Variants in NKAIN3 observed in about 807,000 individuals in gnomAD.
NKAIN3 encodes the protein sodium/potassium-transporting ATPase subunit beta-1-interacting protein 3.
A neutral mutation model predicts 30.2 loss-of-function variants in NKAIN3; 25 were observed. That is an observed-to-expected ratio of 0.83 (90% CI 0.60 to 1.16). NKAIN3 has a LOEUF of 1.16. Ranked by LOEUF, NKAIN3 falls within the 50% of genes most tolerant of loss-of-function variation. The probability of loss-of-function intolerance (pLI) is 0.00; values close to 1 mark genes in which losing one functional copy is unlikely to be tolerated. For synonymous variants in NKAIN3, 91 were observed against 89.6 expected (o/e 1.02, Z -0.09); for missense variants, 225 against 254.1 (o/e 0.89, Z 0.78).
At chr8:62,802,020 T>C (rs183498295) in intron 4 of NKAIN3, among the ~76,000 whole-genome samples, 1 of 151,880 alleles carries the variant, frequency 6.6e-6, no homozygotes, top group African/African-American at 2.4e-5. Flanking sequence ...AGGGTATCAG[T>C]GATGGAAGAT....
intron 1 of NKAIN3, among the ~76,000 whole-genome samples, chr8:62,473,608 A>G (rs1048431848): frequency 6.6e-5 from 10 of 152,184 alleles, no homozygotes; most frequent in African/African-American, 1.2e-4. Context: ...CATCTTTGCC[A>G]GCAGAATGAA....
At chr8:62,348,370 C>T (rs1004137821) in intron 1 of NKAIN3, among the ~76,000 whole-genome samples, 1 of 152,010 alleles carries the variant, frequency 6.6e-6, no homozygotes, top group Non-Finnish European at 1.5e-5. Flanking sequence ...AATTTAAAAA[C>T]GTTAACAAAT....
chr8:62,571,414 C>T (rs943188223), intron 1 of NKAIN3, among the ~76,000 whole-genome samples: 2 of 152,096 alleles, frequency 1.3e-5, no homozygotes, highest in Admixed American at 1.3e-4. Context: ...CAGCCTCCCT[C>T]CCAGCTGCTT....
intron 1 of NKAIN3, among the ~76,000 whole-genome samples, chr8:62,467,369 GA>G (rs1244795726): frequency 1.3e-5 from 2 of 152,132 alleles, no homozygotes; most frequent in Admixed American, 1.3e-4. Context: ...ATCATGATCA[GA>G]AACCTTATGA....
At chr8:62,869,679 G>T (rs985377356) in intron 4 of NKAIN3, among the ~76,000 whole-genome samples, 1 of 152,174 alleles carries the variant, frequency 6.6e-6, no homozygotes, top group African/African-American at 2.4e-5. Context: ...AACCCCTTGC[G>T]GGGGGTAGGT....
At chr8:62,858,073 T>C (rs1337359917) in intron 4 of NKAIN3, among the ~76,000 whole-genome samples, 2 of 152,178 alleles carry the variant, frequency 1.3e-5, no homozygotes, top group Non-Finnish European at 2.9e-5. Flanking sequence ...TTTGTTGTTG[T>C]TGTTTTTCTT....
rs117340340 is a variant in NKAIN3, at chr8:62,536,286, A to G, written c.55-43253A>G. On this transcript the variant is annotated intron_variant, in intron 1 of 6. Coordinates refer to ENST00000623646, the MANE Select transcript of NKAIN3 (RefSeq NM_001304533.3). ...AGCAATGCGGGCAAGCTCCAAGATG[A>G]CAGATCTCTAGCTGAAGATGGATGA... Among the ~76,000 whole-genome samples the G allele has an allele frequency of 3.6e-3, 545 of 152,306 alleles. 1 individual carries two copies. The highest frequency in any genetic ancestry group is 5.6e-3 in the Non-Finnish European group (382 of 68,032).
Position 62,668,449 on chromosome 8 carries a change from G to T in NKAIN3, c.274-78483G>T, listed in dbSNP as rs114295650. ...ATTATTTTTTTGAATTTAGAACTTA[G>T]ATTTTAACTATGAAAGGAAAATTCA... On this transcript the variant is annotated intron_variant, in intron 3 of 6. Transcript: ENST00000623646. 4.8e-3 allele frequency among the ~76,000 whole-genome samples: 735 copies of T among 152,274 alleles called. 8 individuals carry two copies. The highest frequency in any genetic ancestry group is 0.017 in the African/African-American group (703 of 41,566).
chr8:62,336,995 T>C (rs1460250827), intron 1 of NKAIN3, among the ~76,000 whole-genome samples: 1 of 152,100 alleles, frequency 6.6e-6, no homozygotes, highest in Non-Finnish European at 1.5e-5. Context: ...ACACATTTCA[T>C]TTACTTTCAT....
At chr8:62,850,742 G>A (rs1402809394) in intron 4 of NKAIN3, among the ~76,000 whole-genome samples, 1 of 151,974 alleles carries the variant, frequency 6.6e-6, no homozygotes, top group East Asian at 1.9e-4. Flanking sequence ...TTTTTCTCAG[G>A]TTTGTCAAAG....
chr8:62,812,406 G>A (rs1321093484), intron 4 of NKAIN3, among the ~76,000 whole-genome samples: 1 of 151,838 alleles, frequency 6.6e-6, no homozygotes, highest in Non-Finnish European at 1.5e-5. Context: ...CAAATCTACA[G>A]ATCAGTTTGG....
intron 4 of NKAIN3, among the ~76,000 whole-genome samples, chr8:62,872,044 GT>G (rs1372512393): frequency 2.0e-5 from 3 of 152,168 alleles, no homozygotes; most frequent in Non-Finnish European, 4.4e-5. Context: ...GTTTAGATAA[GT>G]TTTGATACAC....
At chr8:62,828,370 A>G (rs896230266) in intron 4 of NKAIN3, among the ~76,000 whole-genome samples, 6 of 152,162 alleles carry the variant, frequency 3.9e-5, no homozygotes, top group African/African-American at 1.2e-4. Flanking sequence ...AATTCATAGA[A>G]CTGCAAAATA....
At chr8:62,795,741 T>C (rs1817840253) in intron 4 of NKAIN3, among the ~76,000 whole-genome samples, 1 of 152,208 alleles carries the variant, frequency 6.6e-6, no homozygotes, top group Non-Finnish European at 1.5e-5. Flanking sequence ...ATTATTCACC[T>C]TTCCCCATGT....
At chr8:62,895,791 C>G (rs1416871923) in intron 4 of NKAIN3, among the ~76,000 whole-genome samples, 1 of 152,104 alleles carries the variant, frequency 6.6e-6, no homozygotes, top group Non-Finnish European at 1.5e-5. Context: ...CTCCTATCCC[C>G]ACTCCCTCTC....
Position 62,417,672 on chromosome 8 carries a change from G to A in NKAIN3, c.55-161867G>A, listed in dbSNP as rs115681643. Among the ~76,000 whole-genome samples, 456 of 152,208 alleles carry A rather than the reference G, an allele frequency of 3.0e-3. 3 individuals are homozygous for A. The highest frequency in any genetic ancestry group is 0.011 in the African/African-American group (441 of 41,532). On this transcript the variant is annotated intron_variant, in intron 1 of 6. Coordinates refer to ENST00000623646, the MANE Select transcript of NKAIN3 (RefSeq NM_001304533.3). ...TATTGGATAAAGCCATTTTAACTGG[G>A]GAGAGATGATATCTCATTGTAGTTT... is the stretch of plus-strand genomic sequence containing the variant.
chr8:62,832,258 GACACACACAC>G (rs57632946), intron 4 of NKAIN3, among the ~76,000 whole-genome samples: 10,031 of 132,660 alleles, frequency 0.076, 405 homozygotes, highest in Admixed American at 0.13. Context: ...TGACCAAACA[GACACACACAC>G]ACACACACAC....
intron 3 of NKAIN3, among the ~76,000 whole-genome samples, chr8:62,635,778 T>G (rs952681664): frequency 1.3e-5 from 2 of 152,154 alleles, no homozygotes; most frequent in African/African-American, 4.8e-5. Context: ...AGAAATAAAT[T>G]TTGTTGTTTA....
chr8:62,351,574 G>A (rs1374564392), intron 1 of NKAIN3, among the ~76,000 whole-genome samples: 1 of 150,882 alleles, frequency 6.6e-6, no homozygotes, highest in Non-Finnish European at 1.5e-5. Context: ...GAATACATAT[G>A]TATATTTGTG....
Sources: allele counts gnomAD v4.1 joint callset (sites outside exome capture counted in the v4.1 genomes callset), GRCh38; gene constraint gnomAD v4.1.1; transcripts MANE v1.5; gene names NCBI Gene and HGNC (gene_info 2026-07-23, HGNC 2026-07-21).